DSCAM: variants seen among roughly 807,000 people sequenced by gnomAD.
The protein encoded by DSCAM is DS cell adhesion molecule.
In DSCAM, 47 loss-of-function variants were observed where a neutral mutation model predicts 217.7. That is an observed-to-expected ratio of 0.22 (90% confidence interval 0.17 to 0.28). DSCAM has a LOEUF of 0.28. Among genes scored for constraint, DSCAM ranks in the 10% least tolerant of loss-of-function variants. The probability of loss-of-function intolerance (pLI) is 1.00; values close to 1 mark genes in which losing one functional copy is unlikely to be tolerated. For synonymous variants in DSCAM, 1,056 were observed against 1,015.3 expected (o/e 1.04, Z -0.76); for missense variants, 2,080 against 2,618.3 (o/e 0.79, Z 4.49).
At chr21:40,565,678 A>G (rs1294030598) in intron 3 of DSCAM, among the ~76,000 whole-genome samples, 1 of 152,134 alleles carries the variant, frequency 6.6e-6, no homozygotes, top group Admixed American at 6.6e-5. Context: ...AGCAGCCCAG[A>G]GTGTCTTATC....
chr21:40,307,416 T>TA lies in DSCAM; in HGVS notation c.2062+4664dup, dbSNP rs962441359. Among the ~76,000 whole-genome samples, 45 of 152,260 alleles carry TA rather than the reference T, an allele frequency of 3.0e-4. 2 individuals carry two copies. The highest frequency in any genetic ancestry group is 2.8e-3 in the Admixed American group (43 of 15,306). ...TCACACCAGTTAGAATGGCAATCGTTAAAAAGTCAGGAAACAACAGGTGCT... is the reference window on the plus strand; with the variant it reads ...TCACACCAGTTAGAATGGCAATCGTTAAAAAAGTCAGGAAACAACAGGTGCT... On this transcript the variant is annotated intron_variant, in intron 9 of 32. Transcript: ENST00000400454.
At chr21:40,330,998 T>C (rs937376380) in intron 8 of DSCAM, among the ~76,000 whole-genome samples, 15 of 152,184 alleles carry the variant, frequency 9.9e-5, no homozygotes, top group African/African-American at 3.4e-4. Flanking sequence ...ATGACTGCAG[T>C]GTATGGCCAC....
chr21:40,439,348 C>T (rs1168680284), intron 3 of DSCAM, among the ~76,000 whole-genome samples: 1 of 152,146 alleles, frequency 6.6e-6, no homozygotes, highest in Non-Finnish European at 1.5e-5. Context: ...GCAGATCAGG[C>T]CTGGATCCCA....
chr21:40,376,064 T>G (rs978268322), intron 3 of DSCAM, among the ~76,000 whole-genome samples: 1 of 152,222 alleles, frequency 6.6e-6, no homozygotes, highest in African/African-American at 2.4e-5. Context: ...ATTTTTCACT[T>G]AGAGAAATAT....
In DSCAM at chr21:40,520,384, T is replaced by C. The variant is rs573873699; in HGVS notation, c.509-151139A>G. On this transcript the variant is annotated intron_variant, in intron 3 of 32. Transcript: ENST00000400454. The stretch of plus-strand genomic sequence containing the variant: ...CAATGCTATTATCTTCCAGAAAATA[T>C]GCTTTTCATGAAAGTATTTCAAAAT... 1.5e-4 allele frequency among the ~76,000 whole-genome samples: 23 copies of C among 152,328 alleles called. No individual in the cohort carries two copies. In the South Asian group the frequency reaches 3.9e-3, roughly 26 times the overall value.
At chr21:40,498,781 GTATATA>G (rs1166919235) in intron 3 of DSCAM, among the ~76,000 whole-genome samples, 1,281 of 25,548 alleles carry the variant, frequency 0.05, 29 homozygotes, top group African/African-American at 0.079. Flanking sequence ...ATATGGGTGT[GTATATA>G]TATATATATA....
In DSCAM at chr21:40,189,136, C is replaced by A. The variant is rs151283653; in HGVS notation, c.2459G>T (p.Arg820Leu). 4.4e-4 allele frequency: 711 copies of A among 1,614,132 alleles called. 3 individuals carry two copies. Among genetic ancestry groups the A allele is most frequent in the Non-Finnish European group, 8.4e-5 (99 of 1,180,026 alleles). The part of the protein sequence containing the change: ...TAHGEKPIIV[R>L]WEKEDRIINP... ...AATGATTCGGTCCTCCTTCTCCCAG[C>A]GGACTATAATGGGCTTCTCACCATG... Residue 820 changes from arginine to leucine, a missense_variant, in exon 12 of 33, where the codon CGC (arginine) becomes CTC (leucine). Physicochemically the swap from Arg to Leu is moderately radical, Grantham distance 102 (BLOSUM62 -2). Around this residue, in one of 5 missense-constraint regions of DSCAM, gnomAD observed 1,144 missense variants for 1,421.1 expected, o/e 0.81. Transcript: ENST00000400454.
At chr21:40,415,911 A>G (rs559614020) in intron 3 of DSCAM, among the ~76,000 whole-genome samples, 2 of 152,254 alleles carry the variant, frequency 1.3e-5, no homozygotes, top group South Asian at 2.1e-4. Context: ...TTAATGACAC[A>G]TAGGTTTTAT....
In DSCAM at chr21:40,098,167, C is replaced by G. The variant is rs2089707287; in HGVS notation, c.3697-4293G>C. Among the ~76,000 whole-genome samples, 3 of 151,966 alleles carry G rather than the reference C, an allele frequency of 2.0e-5. No individual in the cohort carries two copies. The South Asian group carries it at 6.2e-4, about 31-fold the overall frequency. ...CAAAGGATATTACCAGTAATAAAGACAGAAATTTCATAACGATAATGGGGT... is the reference window on the plus strand; with the variant it reads ...CAAAGGATATTACCAGTAATAAAGAGAGAAATTTCATAACGATAATGGGGT... On this transcript the variant is annotated intron_variant, in intron 20 of 32. Transcript: ENST00000400454.
intron 3 of DSCAM, among the ~76,000 whole-genome samples, chr21:40,556,274 AAACTT>A (rs1601741443): frequency 1.3e-5 from 2 of 152,162 alleles, no homozygotes; most frequent in African/African-American, 2.4e-5. Flanking sequence ...GACTCCCTCA[AAACTT>A]AACTACTAAT....
intron 3 of DSCAM, among the ~76,000 whole-genome samples, chr21:40,507,504 T>A (rs1033959098): frequency 7.2e-5 from 11 of 152,252 alleles, no homozygotes; most frequent in African/African-American, 2.6e-4. Context: ...ATAACTTGCA[T>A]CTACAGCTGG....
chr21:40,753,814 T>C (rs1035854681), intron 1 of DSCAM, among the ~76,000 whole-genome samples: 8 of 152,006 alleles, frequency 5.3e-5, no homozygotes, highest in African/African-American at 7.3e-5. Flanking sequence ...AAAAATGAAG[T>C]TTTATAGAAC....
At chr21:40,188,809 T>G (rs7282458) in intron 12 of DSCAM, among the ~76,000 whole-genome samples, 10,185 of 150,382 alleles carry the variant, frequency 0.068, 1,116 homozygotes, top group African/African-American at 0.23. Context: ...TTTTACTACA[T>G]TTGGGTTCCC....
chr21:40,075,267 GC>G (rs1014762286), intron 26 of DSCAM, 54 bp from the exon 27 acceptor site: 49 of 1,587,392 alleles, frequency 3.1e-5, no homozygotes, highest in Non-Finnish European at 4.1e-5. Flanking sequence ...GCATGGCGGA[GC>G]TTTTAGGGAT....
chr21:40,606,705 T>C (rs1001404423), intron 3 of DSCAM, among the ~76,000 whole-genome samples: 33 of 152,216 alleles, frequency 2.2e-4, no homozygotes, highest in Non-Finnish European at 7.3e-5. Context: ...AGAGCAAATG[T>C]ACCTTTTAGC....
intron 4 of DSCAM, among the ~76,000 whole-genome samples, chr21:40,368,033 G>A (rs1275109595): frequency 6.6e-6 from 1 of 152,152 alleles, no homozygotes; most frequent in Non-Finnish European, 1.5e-5. Flanking sequence ...GATTCAGCAT[G>A]AAGATAAAAA....
At chr21:40,552,399 G>T (rs2076637781) in intron 3 of DSCAM, among the ~76,000 whole-genome samples, 3 of 152,178 alleles carry the variant, frequency 2.0e-5, no homozygotes, top group South Asian at 4.1e-4. Flanking sequence ...GTTAAGAAGA[G>T]CTGCCTTTAG....
At chr21:40,485,276 T>C (rs1452012808) in intron 3 of DSCAM, among the ~76,000 whole-genome samples, 2 of 146,932 alleles carry the variant, frequency 1.4e-5, no homozygotes, top group African/African-American at 2.6e-5. Flanking sequence ...AGCCTCGCTG[T>C]CGCCCAGGCT....
chr21:40,716,510 G>A (rs1336397721), intron 1 of DSCAM, among the ~76,000 whole-genome samples: 1 of 152,204 alleles, frequency 6.6e-6, no homozygotes, highest in Non-Finnish European at 1.5e-5. Flanking sequence ...CACTAAGGGA[G>A]CTAATGGGAG....
Sources: gnomAD v4.1 joint callset for allele counts (sites outside exome capture counted in the v4.1 genomes callset) on GRCh38, gnomAD v4.1.1 for gene constraint, gnomAD v4.1.1 regional missense constraint, MANE v1.5 for transcripts, NCBI Gene and HGNC (gene_info 2026-07-23, HGNC 2026-07-21) for gene names.